The following GARIN5A variants were observed in gnomAD, a reference collection of about 807,000 sequenced individuals.
GARIN5A encodes the protein golgi associated RAB2 interactor 5A, also known as Golgi-associated RAB2 interactor protein 5A.
chr19:50,476,643 G>T, the GARIN5A span: 1 of 1,540,476 alleles, frequency 6.5e-7, no homozygotes, highest in South Asian at 1.2e-5. Context: ...GCCGGGCCGG[G>T]ACTGGTGCGC....
chr19:50,475,997 G>A, the GARIN5A span: 1 of 1,602,766 alleles, frequency 6.2e-7, no homozygotes. Flanking sequence ...GCTGTGCCTG[G>A]CTTCCCAACT....
chr19:50,467,644 ACAG>A, the GARIN5A span: 1 of 1,571,768 alleles, frequency 6.4e-7, no homozygotes, highest in Non-Finnish European at 8.6e-7. Flanking sequence ...CGTGAAGGGC[ACAG>A]CAGAAGCAGA....
At chr19:50,475,401 T>C in the GARIN5A span, 1 of 1,610,900 alleles carries the variant, frequency 6.2e-7, no homozygotes, top group Non-Finnish European at 8.5e-7. Context: ...AGGGCTGGAC[T>C]GGAGGCTGCC....
chr19:50,467,418 GA>G, the GARIN5A span: 1 of 604,948 alleles, frequency 1.7e-6, no homozygotes, highest in Non-Finnish European at 2.9e-6. Context: ...TCAGACCCAG[GA>G]GTCCAGGACC....
the GARIN5A span, chr19:50,475,348 C>T: frequency 6.2e-7 from 1 of 1,602,016 alleles, no homozygotes; most frequent in Non-Finnish European, 8.5e-7. Flanking sequence ...GGTGTCCGTT[C>T]TCCTTGGCAG....
At chr19:50,472,243 TTATATATAC>T in the GARIN5A span, among the ~76,000 whole-genome samples, 2 of 133,934 alleles carry the variant, frequency 1.5e-5, no homozygotes, top group Admixed American at 7.2e-5. Context: ...TATGTGTGTA[TTATATATAC>T]ATGTATGTGT....
the GARIN5A span, chr19:50,475,509 G>A: frequency 1.3e-6 from 2 of 1,503,702 alleles, no homozygotes; most frequent in Non-Finnish European, 1.8e-6. Context: ...CAGAACTGAG[G>A]AGGGATCAGA....
At chr19:50,472,684 C>T in the GARIN5A span, among the ~76,000 whole-genome samples, 1 of 152,088 alleles carries the variant, frequency 6.6e-6, no homozygotes, top group East Asian at 1.9e-4. Flanking sequence ...TGCTTGAGCC[C>T]AGGAGTTCGA....
chr19:50,475,786 G>T, the GARIN5A span: 3 of 1,388,558 alleles, frequency 2.2e-6, no homozygotes, highest in Non-Finnish European at 3.1e-6. Flanking sequence ...GGAGGAGGTC[G>T]AGGGGCAGGC....
At chr19:50,472,295 A>ATATG in the GARIN5A span, among the ~76,000 whole-genome samples, 1 of 151,226 alleles carries the variant, frequency 6.6e-6, no homozygotes, top group African/African-American at 2.4e-5. Context: ...ATGTGTGTAT[A>ATATG]TATGTATATA....
At chr19:50,472,219 TG>T in the GARIN5A span, among the ~76,000 whole-genome samples, 14 of 104,842 alleles carry the variant, frequency 1.3e-4, no homozygotes, top group South Asian at 7.2e-4. Context: ...CATGTGTGTA[TG>T]TATATATACA....
the GARIN5A span, among the ~76,000 whole-genome samples, chr19:50,469,646 G>A: frequency 6.6e-6 from 1 of 152,192 alleles, no homozygotes; most frequent in African/African-American, 2.4e-5. Flanking sequence ...GGGCAGAGCA[G>A]GAAGCAGTCA....
chr19:50,471,880 ATG>A, the GARIN5A span, among the ~76,000 whole-genome samples: 91 of 147,090 alleles, frequency 6.2e-4, 1 homozygote, highest in African/African-American at 2.1e-3. Flanking sequence ...GTATGCATAC[ATG>A]TGTGTATATG....
chr19:50,471,640 GTATATACGCATACATGCACGTGTGTGTA>G, the GARIN5A span, among the ~76,000 whole-genome samples: 1 of 151,592 alleles, frequency 6.6e-6, no homozygotes, highest in African/African-American at 2.4e-5. Flanking sequence ...ATACATGTGT[GTATATACGCATACATGCACGTGTGTGTA>G]TACGCATACA....
chr19:50,467,752 C>A, the GARIN5A span: 5,359 of 1,610,392 alleles, frequency 3.3e-3, 172 homozygotes, highest in African/African-American at 0.059. Context: ...GAAGGTGCGG[C>A]TGGTGTTCAA....
the GARIN5A span, chr19:50,476,778 T>G: frequency 1.5e-6 from 1 of 653,342 alleles, no homozygotes; most frequent in South Asian, 2.2e-5. Context: ...AGGTGGGAGA[T>G]CCCTGGAAAG....
chr19:50,470,275 A>G, the GARIN5A span, among the ~76,000 whole-genome samples: 1 of 152,202 alleles, frequency 6.6e-6, no homozygotes, highest in Non-Finnish European at 1.5e-5. Context: ...GCACTTTGGG[A>G]GGCCGAGGCA....
the GARIN5A span, chr19:50,476,477 T>C: frequency 1.9e-6 from 3 of 1,575,300 alleles, no homozygotes; most frequent in Non-Finnish European, 2.6e-6. Context: ...GGATGCGGCC[T>C]GTTCCTCCCG....
the GARIN5A span, chr19:50,475,771 A>G: frequency 8.2e-7 from 1 of 1,221,738 alleles, no homozygotes; most frequent in Non-Finnish European, 1.2e-6. Context: ...GGGCTTTCCA[A>G]GTCAGGAGGA....
Sources: allele counts gnomAD v4.1 joint callset (sites outside exome capture counted in the v4.1 genomes callset), GRCh38; gene constraint gnomAD v4.1.1; transcripts MANE v1.5; gene names NCBI Gene and HGNC (gene_info 2026-07-23, HGNC 2026-07-21).